The following TMEFF2 variants were observed in gnomAD, a reference collection of about 807,000 sequenced individuals.
TMEFF2 encodes the protein tomoregulin-2.
Under a neutral mutation model 53.8 loss-of-function variants are expected in TMEFF2, and 28 were observed. That is an observed-to-expected ratio of 0.52 (90% CI 0.39 to 0.71). The LOEUF (loss-of-function observed/expected upper bound fraction) is 0.71, where lower values mean the gene tolerates loss of function less well. TMEFF2 is among the 30% of genes least tolerant of loss of function. The pLI is 0.00. For synonymous variants in TMEFF2, 162 were observed against 166.3 expected (o/e 0.97, Z 0.20); for missense variants, 353 against 455.2 (o/e 0.78, Z 2.04).
intron 5 of TMEFF2, chr2:192,044,141 T>G (rs1687553678): frequency 1.3e-5 from 2 of 152,216 alleles, no homozygotes; most frequent in South Asian, 2.1e-4. Flanking sequence ...TTCACTGTGC[T>G]GCATCAGGGG....
chr2:192,137,986 T>G (rs965651246), intron 4 of TMEFF2, among the ~76,000 whole-genome samples: 2 of 151,848 alleles, frequency 1.3e-5, no homozygotes, highest in African/African-American at 2.4e-5. Flanking sequence ...ACCCAGCTAA[T>G]TTTTGTATTT....
intron 3 of TMEFF2, among the ~76,000 whole-genome samples, chr2:192,181,909 A>G (rs1011843806): frequency 6.6e-6 from 1 of 151,790 alleles, no homozygotes; most frequent in African/African-American, 2.4e-5. Context: ...GGGAGGCTTT[A>G]ATGATTTTCC....
intron 4 of TMEFF2, among the ~76,000 whole-genome samples, chr2:192,120,729 T>G (rs1559135096): frequency 6.6e-6 from 1 of 152,110 alleles, no homozygotes; most frequent in Non-Finnish European, 1.5e-5. Context: ...TTCATAAATT[T>G]ATTGAATAAA....
intron 4 of TMEFF2, among the ~76,000 whole-genome samples, chr2:192,158,938 A>G (rs1690570684): frequency 6.6e-6 from 1 of 152,076 alleles, no homozygotes; most frequent in Non-Finnish European, 1.5e-5. Flanking sequence ...CCTATTGACT[A>G]CCTAACATAG....
At chr2:192,115,658 CA>C (rs1689387276) in intron 4 of TMEFF2, among the ~76,000 whole-genome samples, 2 of 151,938 alleles carry the variant, frequency 1.3e-5, no homozygotes, top group Admixed American at 6.6e-5. Context: ...ACAAACCCCC[CA>C]AAAAACTCAA....
chr2:192,013,635 A>G (rs1219815370), intron 5 of TMEFF2, among the ~76,000 whole-genome samples: 2 of 152,102 alleles, frequency 1.3e-5, no homozygotes, highest in African/African-American at 4.8e-5. Context: ...TTTTTAGTAG[A>G]GACAGGGTTT....
intron 4 of TMEFF2, among the ~76,000 whole-genome samples, chr2:192,092,438 A>G (rs542322904): frequency 6.6e-6 from 1 of 152,288 alleles, no homozygotes; most frequent in African/African-American, 2.4e-5. Flanking sequence ...AAAACTGCCA[A>G]AAAAATGATG....
At chr2:191,986,162 CA>C (rs1685969782) in intron 7 of TMEFF2, among the ~76,000 whole-genome samples, 5 of 152,128 alleles carry the variant, frequency 3.3e-5, no homozygotes, top group Admixed American at 3.3e-4. Flanking sequence ...CCAAGGCTTA[CA>C]AAAATGTATA....
intron 4 of TMEFF2, among the ~76,000 whole-genome samples, chr2:192,090,849 T>C (rs1423002975): frequency 6.6e-6 from 1 of 152,092 alleles, no homozygotes; most frequent in Non-Finnish European, 1.5e-5. Flanking sequence ...ATTAGTTATA[T>C]GTGGATTTTT....
At chr2:192,064,735 C>T (rs545614115) in intron 4 of TMEFF2, among the ~76,000 whole-genome samples, 2 of 151,894 alleles carry the variant, frequency 1.3e-5, no homozygotes, top group South Asian at 4.1e-4. Flanking sequence ...TGAGAGAGTT[C>T]TTAATAGAAG....
Position 192,152,898 on chromosome 2 carries a change from T to C in TMEFF2, c.439+26770A>G, listed in dbSNP as rs1471769272. On this transcript the variant is annotated intron_variant, in intron 4 of 9. Coordinates refer to ENST00000272771, the MANE Select transcript of TMEFF2 (RefSeq NM_016192.4). The stretch of plus-strand genomic sequence containing the variant: ...AATATATTTAATCAAAACCCTACTT[T>C]AGTGGATTTATCAGCATGTACCATA... 2.0e-5 allele frequency among the ~76,000 whole-genome samples: 3 copies of C among 151,788 alleles called. No homozygotes were observed. In the East Asian group the frequency reaches 5.8e-4, roughly 29 times the overall value.
At chr2:192,163,453 A>G (rs1690681914) in intron 4 of TMEFF2, among the ~76,000 whole-genome samples, 1 of 152,256 alleles carries the variant, frequency 6.6e-6, no homozygotes, top group South Asian at 2.1e-4. Context: ...TATCCTACAT[A>G]GAATATAAAT....
chr2:192,057,546 T>C, intron 5 of TMEFF2, 133 bp downstream of exon 5: 4 of 818,720 alleles, frequency 4.9e-6, no homozygotes, highest in South Asian at 1.6e-5. Flanking sequence ...GCCCTCATTT[T>C]TTTTTTCACT....
intron 5 of TMEFF2, among the ~76,000 whole-genome samples, chr2:192,016,580 C>T (rs913774040): frequency 6.6e-6 from 1 of 152,238 alleles, no homozygotes; most frequent in African/African-American, 2.4e-5. Flanking sequence ...CAGCCTTTCA[C>T]ACTTTCATTC....
chr2:192,115,404 G>A (rs1319361857), intron 4 of TMEFF2, among the ~76,000 whole-genome samples: 2 of 151,930 alleles, frequency 1.3e-5, no homozygotes, highest in Non-Finnish European at 2.9e-5. Flanking sequence ...ACAGCTGTAT[G>A]ACATCAATCT....
rs1175137916 is a variant in TMEFF2, at chr2:192,087,859, TACG to T, written c.440-30087_440-30085del. 5.9e-5 allele frequency among the ~76,000 whole-genome samples: 9 copies of T among 152,150 alleles called. No homozygotes were observed. The East Asian group carries it at 1.7e-3, about 29-fold the overall frequency. The stretch of plus-strand genomic sequence containing the variant: ...ACCATAATATTATATATTTTGGCTA[TACG>T]ACATTTGAATATAAAAGGTGAAATA... On this transcript the variant is annotated intron_variant, in intron 4 of 9. Coordinates refer to ENST00000272771, the MANE Select transcript of TMEFF2 (RefSeq NM_016192.4).
At chr2:192,095,545 G>A (rs1688883142) in intron 4 of TMEFF2, among the ~76,000 whole-genome samples, 1 of 151,988 alleles carries the variant, frequency 6.6e-6, no homozygotes, top group Non-Finnish European at 1.5e-5. Flanking sequence ...TTTTCCTGCA[G>A]CAAAAGAAAT....
intron 3 of TMEFF2, among the ~76,000 whole-genome samples, chr2:192,183,695 T>C (rs533278915): frequency 5.5e-4 from 84 of 152,160 alleles, no homozygotes; most frequent in African/African-American, 2.0e-3. Context: ...ACAACCACTG[T>C]AGACACAAGG....
chr2:192,058,722 T>C (rs4853658), intron 4 of TMEFF2, among the ~76,000 whole-genome samples: 89,950 of 151,992 alleles, frequency 0.59, 28,216 homozygotes, highest in East Asian at 0.95. Context: ...AACTACCGCA[T>C]AGATAATATA....
Sources: allele counts gnomAD v4.1 joint callset (sites outside exome capture counted in the v4.1 genomes callset), GRCh38; gene constraint gnomAD v4.1.1; transcripts MANE v1.5; gene names NCBI Gene and HGNC (gene_info 2026-07-23, HGNC 2026-07-21).